Variants in PRAP1 observed in about 807,000 individuals in gnomAD.
PRAP1 encodes the protein proline-rich acidic protein 1.
A neutral mutation model predicts 14.6 loss-of-function variants in PRAP1; 12 were observed. That is an observed-to-expected ratio of 0.82 (90% CI 0.53 to 1.33). The LOEUF is 1.33. Among genes scored for constraint, PRAP1 ranks in the 40% most tolerant of loss-of-function variants. The probability of loss-of-function intolerance (pLI) is 0.00; values close to 1 mark genes in which losing one functional copy is unlikely to be tolerated. For synonymous variants in PRAP1, 81 were observed against 80.3 expected (o/e 1.01, Z -0.04); for missense variants, 160 against 193.7 (o/e 0.83, Z 1.03).
intron 1 of PRAP1, among the ~76,000 whole-genome samples, chr10:133,348,064 T>G (rs1848612731): frequency 6.6e-6 from 1 of 152,170 alleles, no homozygotes; most frequent in Non-Finnish European, 1.5e-5. Flanking sequence ...CAGAGCCGTT[T>G]GCCTGGAGAG....
In PRAP1 at chr10:133,351,510, C is replaced by G; in HGVS notation, c.128+77C>G. On this transcript the variant is annotated intron_variant, in intron 3 of 4. Coordinates refer to ENST00000433452, the MANE Select transcript of PRAP1 (RefSeq NM_145202.5). The surrounding 1 kb of genome is among the most constrained non-coding windows in gnomAD (Gnocchi z 4.3). ...CCGTTCTGCTGGGCCCTTCCTGAAC[C>G]TGGAGAGCACGGGGCAGATGCAGAG... The G allele has an allele frequency of 2.5e-6, 3 of 1,178,404 alleles. No homozygotes were observed. The South Asian group carries it at 4.1e-5, about 16-fold the overall frequency. The allele number at this position is 1,178,404 out of a possible 1,614,324, so 73.0% of individuals were successfully genotyped here.
chr10:133,351,535 G>T lies in PRAP1; in HGVS notation c.128+102G>T. 1 of 905,940 alleles carries T rather than the reference G, an allele frequency of 1.1e-6. No individual in the cohort carries two copies. Among genetic ancestry groups the T allele is most frequent in the South Asian group, 1.6e-5 (1 of 62,802 alleles). 56.1% of individuals were successfully genotyped at this position (905,940 alleles called of 1,614,324 possible). A position where few individuals can be genotyped will look rare whatever the true frequency, so the allele number is the denominator to read the frequency against. ...CTGGAGAGCACGGGGCAGATGCAGA[G>T]AGGAGCCCTGTCCAGCAGCTTTTGG... On this transcript the variant is annotated intron_variant, in intron 3 of 4. Transcript: ENST00000433452. The surrounding 1 kb of genome is among the most constrained non-coding windows in gnomAD (Gnocchi z 4.3).
Position 133,351,872 on chromosome 10 carries a change from T to C in PRAP1, c.129-135T>C. 8.2e-7 allele frequency: 1 copy of C among 1,220,312 alleles called. No individual in the cohort carries two copies. Among genetic ancestry groups the C allele is most frequent in the Non-Finnish European group, 1.1e-6 (1 of 880,822 alleles). 75.6% of individuals were successfully genotyped at this position (1,220,312 alleles called of 1,614,324 possible). A position where few individuals can be genotyped will look rare whatever the true frequency, so the allele number is the denominator to read the frequency against. Reference sequence around the variant, plus strand: ...ACTGGGGGCCACTCATCACTGGCTCTTGAGAGAGAGGCTTGTCCTGGGGCT... The same window carrying C: ...ACTGGGGGCCACTCATCACTGGCTCCTGAGAGAGAGGCTTGTCCTGGGGCT... On this transcript the variant is annotated intron_variant, in intron 3 of 4. Transcript: ENST00000433452. The surrounding 1 kb of genome is among the most constrained non-coding windows in gnomAD (Gnocchi z 4.3).
chr10:133,351,496 G>A lies in PRAP1; in HGVS notation c.128+63G>A, dbSNP rs1365735701. The A allele has an allele frequency of 2.2e-6, 3 of 1,334,014 alleles. No individual in the cohort carries two copies. The East Asian group carries it at 7.3e-5, about 33-fold the overall frequency. The allele number at this position is 1,334,014 out of a possible 1,614,324, so 82.6% of individuals were successfully genotyped here. A position where few individuals can be genotyped will look rare whatever the true frequency, so the allele number is the denominator to read the frequency against. On this transcript the variant is annotated intron_variant, in intron 3 of 4. Coordinates refer to ENST00000433452, the MANE Select transcript of PRAP1 (RefSeq NM_145202.5). This position sits in a 1 kb window ranked among gnomAD's most constrained non-coding sequence, Gnocchi z 4.3. ...CCTGAAGCTACAGCCCGTTCTGCTG[G>A]GCCCTTCCTGAACCTGGAGAGCACG...
Position 133,351,021 on chromosome 10 carries a change from G to A in PRAP1, c.76-360G>A, listed in dbSNP as rs1049157654. Among the ~76,000 whole-genome samples the A allele has an allele frequency of 6.6e-6, 1 of 152,196 alleles. No individual in the cohort carries two copies. Among genetic ancestry groups the A allele is most frequent in the African/African-American group, 2.4e-5 (1 of 41,438 alleles). ...GCCAGGAAGGGGTGGTGCAGACACA[G>A]ACCCAACCAGTCACTGCAGAAAACA... On this transcript the variant is annotated intron_variant, in intron 2 of 4. Coordinates refer to ENST00000433452, the MANE Select transcript of PRAP1 (RefSeq NM_145202.5). The surrounding 1 kb of genome is among the most constrained non-coding windows in gnomAD (Gnocchi z 4.3).
chr10:133,350,396 G>A (rs143846909), intron 2 of PRAP1, among the ~76,000 whole-genome samples: 185 of 152,302 alleles, frequency 1.2e-3, no homozygotes, highest in African/African-American at 4.3e-3. Flanking sequence ...GGTCCTAGGT[G>A]GATGATGTGG....
chr10:133,349,105 C>T (rs955464233), intron 1 of PRAP1, among the ~76,000 whole-genome samples: 2 of 151,186 alleles, frequency 1.3e-5, no homozygotes, highest in East Asian at 1.9e-4. Flanking sequence ...CACGCACGCA[C>T]ACACAGACAC....
intron 1 of PRAP1, among the ~76,000 whole-genome samples, chr10:133,348,009 T>C (rs1274116776): frequency 6.6e-6 from 1 of 152,116 alleles, no homozygotes; most frequent in Non-Finnish European, 1.5e-5. Flanking sequence ...TGTTTCTCCC[T>C]TGTAGAGAGG....
rs34275172 is a variant in PRAP1, at chr10:133,352,036, C to G, written c.158C>G (p.Pro53Arg). The G allele has an allele frequency of 2.5e-6, 4 of 1,612,880 alleles. No individual in the cohort carries two copies. The highest frequency in any genetic ancestry group is 1.3e-5 in the African/African-American group (1 of 74,980). The stretch of plus-strand genomic sequence containing the variant: ...TGGGGCGCCCGTGTGGTGGAGCCTC[C>G]GGAGAAGGACGACCAGCTGGTGGTG... ...KAWGARVVEP[P>R]EKDDQLVVLF... The change falls in exon 4 of 5, where the codon CCG becomes CGG. Residue 53 changes from proline to arginine, a missense_variant. Physicochemically the swap from Pro to Arg is moderately radical, Grantham distance 103 (BLOSUM62 -2). Transcript: ENST00000433452.
intron 2 of PRAP1, chr10:133,350,462 G>A (rs557806478): frequency 3.3e-5 from 11 of 333,940 alleles, no homozygotes; most frequent in Middle Eastern, 8.2e-4. Context: ...ATGAGCCCCC[G>A]TGACCCCAGG....
rs2133405662 is a variant in PRAP1 at position 133,351,299 on chromosome 10, G to A, written c.76-82G>A. 1 of 1,094,820 alleles carries A rather than the reference G, an allele frequency of 9.1e-7. No individual in the cohort carries two copies. Among genetic ancestry groups the A allele is most frequent in the South Asian group, 1.4e-5 (1 of 69,868 alleles). 67.8% of individuals were successfully genotyped at this position (1,094,820 alleles called of 1,614,324 possible). On this transcript the variant is annotated intron_variant, in intron 2 of 4. Coordinates refer to ENST00000433452, the MANE Select transcript of PRAP1 (RefSeq NM_145202.5). The surrounding 1 kb of genome is among the most constrained non-coding windows in gnomAD (Gnocchi z 4.3). ...CCACCTCCACCCCATGCAGCCCCAG[G>A]TGGGCCTCGGAGCAACCTCTCCCCA...
At position 133,351,171 on chromosome 10, in the gene PRAP1, C is replaced by T. The variant is rs1431043140; in HGVS notation, c.76-210C>T. ...GGCCAGCTGGTCATCTGGGCACAGG[C>T]CGGCAACCTCAATCCCGGCTTGCAA... is the stretch of plus-strand genomic sequence containing the variant. On this transcript the variant is annotated intron_variant, in intron 2 of 4. Transcript: ENST00000433452. This position sits in a 1 kb window ranked among gnomAD's most constrained non-coding sequence, Gnocchi z 4.3. Among the ~76,000 whole-genome samples, 1 of 152,196 alleles carries T rather than the reference C, an allele frequency of 6.6e-6. No individual in the cohort carries two copies. The highest frequency in any genetic ancestry group is 2.1e-4 in the South Asian group (1 of 4,836).
In PRAP1 at chr10:133,352,457, A is replaced by G; in HGVS notation, c.*17A>G. 1 of 1,607,122 alleles carries G rather than the reference A, an allele frequency of 6.2e-7. No homozygotes were observed. Among genetic ancestry groups the G allele is most frequent in the South Asian group, 1.1e-5 (1 of 90,550 alleles). ...CCCCAGTAGGGCTCCAGGGGCCATC[A>G]CTGCCCCCGCCCTGTCCCAAGGCCC... On this transcript the variant is annotated 3_prime_UTR_variant, in exon 5 of 5. Transcript: ENST00000433452.
intron 1 of PRAP1, among the ~76,000 whole-genome samples, chr10:133,348,607 A>G (rs1285716570): frequency 6.7e-6 from 1 of 150,210 alleles, no homozygotes; most frequent in Non-Finnish European, 1.5e-5. Flanking sequence ...TCCACCTCCC[A>G]GGTTCAAGTG....
chr10:133,348,499 C>T (rs994524130), intron 1 of PRAP1, among the ~76,000 whole-genome samples: 1 of 150,658 alleles, frequency 6.6e-6, no homozygotes, highest in Non-Finnish European at 1.5e-5. Flanking sequence ...GCCACCACCC[C>T]CAGCTAAGTT....
Position 133,351,521 on chromosome 10 carries a change from G to A in PRAP1, c.128+88G>A, listed in dbSNP as rs370585915. The A allele has an allele frequency of 1.7e-4, 176 of 1,060,382 alleles. 1 individual carries two copies. Among genetic ancestry groups the A allele is most frequent in the South Asian group, 1.1e-3 (73 of 68,846 alleles). 65.7% of individuals were successfully genotyped at this position (1,060,382 alleles called of 1,614,324 possible). A position where few individuals can be genotyped will look rare whatever the true frequency, so the allele number is the denominator to read the frequency against. ...GGCCCTTCCTGAACCTGGAGAGCACGGGGCAGATGCAGAGAGGAGCCCTGT... is the reference window on the plus strand; with the variant it reads ...GGCCCTTCCTGAACCTGGAGAGCACAGGGCAGATGCAGAGAGGAGCCCTGT... On this transcript the variant is annotated intron_variant, in intron 3 of 4. Transcript: ENST00000433452. The surrounding 1 kb of genome is among the most constrained non-coding windows in gnomAD (Gnocchi z 4.3).
At chr10:133,348,954 C>A (rs113624355) in intron 1 of PRAP1, among the ~76,000 whole-genome samples, 10,797 of 151,858 alleles carry the variant, frequency 0.071, 866 homozygotes, top group African/African-American at 0.2. Flanking sequence ...AACCACTGCG[C>A]CTGCCCCAGA....
Position 133,351,356 on chromosome 10 carries a change from G to A in PRAP1, c.76-25G>A, listed in dbSNP as rs1255150702. 5.6e-6 allele frequency: 9 copies of A among 1,606,310 alleles called. No homozygotes were observed. Among genetic ancestry groups the A allele is most frequent in the Non-Finnish European group, 7.7e-6 (9 of 1,175,960 alleles). On this transcript the variant is annotated intron_variant, in intron 2 of 4. Coordinates refer to ENST00000433452, the MANE Select transcript of PRAP1 (RefSeq NM_145202.5). The surrounding 1 kb of genome is among the most constrained non-coding windows in gnomAD (Gnocchi z 4.3). Reference sequence around the variant, plus strand: ...CTCCACCCGCGTGGACTGTGGCCCAGCCCACACCTGTGACTCTCCCCCAGG... The same window carrying A: ...CTCCACCCGCGTGGACTGTGGCCCAACCCACACCTGTGACTCTCCCCCAGG...
At position 133,347,440 on chromosome 10, in the gene PRAP1, C is replaced by A; in HGVS notation, c.8+15C>A. 1 of 1,610,298 alleles carries A rather than the reference C, an allele frequency of 6.2e-7. No homozygotes were observed. The highest frequency in any genetic ancestry group is 8.5e-7 in the Non-Finnish European group (1 of 1,177,930). On this transcript the variant is annotated intron_variant, in intron 1 of 4. Transcript: ENST00000433452. This position sits in a 1 kb window ranked among gnomAD's most constrained non-coding sequence, Gnocchi z 5.0. ...GACATGAGGAGGTAATGCCACCATC[C>A]CTGAGCCCCAATCCCCACCCCACCC...
Sources: allele counts gnomAD v4.1 joint callset (sites outside exome capture counted in the v4.1 genomes callset), GRCh38; gene constraint gnomAD v4.1.1; non-coding constraint Gnocchi (gnomAD v3.1); transcripts MANE v1.5; gene names NCBI Gene and HGNC (gene_info 2026-07-23, HGNC 2026-07-21).